Variants in LMBRD2 observed in about 807,000 individuals in gnomAD.
The protein encoded by LMBRD2 is LMBR1 domain containing 2, also known as G protein-coupled receptor-associated protein LMBRD2.
In LMBRD2, 55 loss-of-function variants were observed where a neutral mutation model predicts 94.4. The observed-to-expected ratio is 0.58, with a 90% CI of 0.47 to 0.73. The LOEUF (loss-of-function observed/expected upper bound fraction) is 0.73. Among genes scored for constraint, LMBRD2 ranks in the 30% least tolerant of loss-of-function variants. LMBRD2 has a pLI of 0.00. For synonymous variants in LMBRD2, 246 were observed against 272.4 expected (o/e 0.90, Z 0.95); for missense variants, 640 against 831.9 (o/e 0.77, Z 2.84).
chr5:36,127,370 T>G (rs1305347851), intron 6 of LMBRD2, among the ~76,000 whole-genome samples: 1 of 152,042 alleles, frequency 6.6e-6, no homozygotes, highest in African/African-American at 2.4e-5. Flanking sequence ...GAACACCAAA[T>G]TAAGCAACTA....
At chr5:36,111,057 A>G (rs1743592481) in intron 14 of LMBRD2, 98 bp downstream of exon 14, 1 of 741,608 alleles carries the variant, frequency 1.3e-6, no homozygotes, top group South Asian at 2.0e-5. Context: ...CTTAGAATAG[A>G]TTAAAAAATA....
At chr5:36,143,639 TAAC>T (rs1744470784) in intron 1 of LMBRD2, among the ~76,000 whole-genome samples, 1 of 152,156 alleles carries the variant, frequency 6.6e-6, no homozygotes, top group Non-Finnish European at 1.5e-5. Context: ...TTCAAAAACT[TAAC>T]AAAAATTATT....
At chr5:36,143,082 ATAACT>A in intron 2 of LMBRD2, 89 bp downstream of exon 2, 1 of 874,966 alleles carries the variant, frequency 1.1e-6, no homozygotes, top group Non-Finnish European at 1.7e-6. Context: ...CAAAACTGAC[ATAACT>A]TAGCTGTCTT....
Position 36,111,039 on chromosome 5 carries a change from C to T in LMBRD2, c.1744+116G>A. 6.2e-6 allele frequency: 4 copies of T among 641,978 alleles called. No individual in the cohort carries two copies. In the South Asian group the frequency reaches 9.3e-5, roughly 15 times the overall value. 39.8% of individuals were successfully genotyped at this position (641,978 alleles called of 1,614,324 possible). On this transcript the variant is annotated intron_variant, in intron 14 of 17. Transcript: ENST00000296603. ...TTTTAGCTAAAAATGTGCATTAATTCATAATTTCTTAGAATAGATTAAAAA... is the reference window on the plus strand; with the variant it reads ...TTTTAGCTAAAAATGTGCATTAATTTATAATTTCTTAGAATAGATTAAAAA...
Position 36,116,467 on chromosome 5 carries a change from T to C in LMBRD2, c.1429A>G (p.Ser477Gly). 1.2e-6 allele frequency: 2 copies of C among 1,612,700 alleles called. No individual in the cohort carries two copies. The highest frequency in any genetic ancestry group is 8.5e-7 in the Non-Finnish European group (1 of 1,179,220). Residue 477 changes from serine to glycine, a missense_variant, in exon 11 of 18, where the codon AGT (serine) becomes GGT (glycine). Physicochemically the swap from Ser to Gly is moderately conservative, Grantham distance 56. This residue lies in a region of LMBRD2 where 457 missense variants were observed against 642.8 expected (regional missense o/e 0.71). Transcript: ENST00000296603. ...HQTDAYSLLF[S>G]GMLFCRLTPP... is the part of the protein sequence containing the mutation. Reference sequence around the variant, plus strand: ...AAACATAATCCTACTTACATGCCACTGAAAAGAAGGCTATAAGCATCAGTC... The same window carrying C: ...AAACATAATCCTACTTACATGCCACCGAAAAGAAGGCTATAAGCATCAGTC...
At chr5:36,130,972 C>T (rs149105119) in intron 6 of LMBRD2, among the ~76,000 whole-genome samples, 65 of 152,232 alleles carry the variant, frequency 4.3e-4, no homozygotes, top group African/African-American at 1.5e-3. Context: ...AGGGATACTT[C>T]CAAACTCAAT....
In LMBRD2 at chr5:36,143,377, A is replaced by G; in HGVS notation, c.-28T>C. On this transcript the variant is annotated 5_prime_UTR_variant, in exon 2 of 18. Coordinates refer to ENST00000296603, the MANE Select transcript of LMBRD2 (RefSeq NM_001007527.2). ...TTGAATATTTCACTCTGACTAACCA[A>G]AGTTATTCATGTACAGGTCTGGACC... 1 of 1,580,700 alleles carries G rather than the reference A, an allele frequency of 6.3e-7. No individual in the cohort carries two copies. Among genetic ancestry groups the G allele is most frequent in the African/African-American group, 1.3e-5 (1 of 74,112 alleles).
At position 36,116,359 on chromosome 5, in the gene LMBRD2, T is replaced by G. The variant is rs143787253; in HGVS notation, c.1436+101A>C. 5.9e-6 allele frequency: 6 copies of G among 1,012,000 alleles called. No individual in the cohort carries two copies. The East Asian group carries it at 1.5e-4, about 25-fold the overall frequency. 62.7% of individuals were successfully genotyped at this position (1,012,000 alleles called of 1,614,324 possible). ...ACTAATCAATTAGCTGATAGAAATA[T>G]AGATGTTAGTGGAACACCTGTAAAC... is the stretch of plus-strand genomic sequence containing the variant. On this transcript the variant is annotated intron_variant, in intron 11 of 17. Coordinates refer to ENST00000296603, the MANE Select transcript of LMBRD2 (RefSeq NM_001007527.2).
At chr5:36,150,379 C>G (rs995315749) in intron 1 of LMBRD2, among the ~76,000 whole-genome samples, 1 of 152,146 alleles carries the variant, frequency 6.6e-6, no homozygotes, top group African/African-American at 2.4e-5. Flanking sequence ...GTGGGCTCTC[C>G]CAATTATTTT....
In LMBRD2 at chr5:36,101,184, T is replaced by G. The variant is rs1409318899; in HGVS notation, c.*2862A>C. 4 of 152,036 alleles carry G rather than the reference T, an allele frequency of 2.6e-5. No individual in the cohort carries two copies. Among genetic ancestry groups the G allele is most frequent in the African/African-American group, 4.8e-5 (2 of 41,452 alleles). 9.4% of individuals were successfully genotyped at this position (152,036 alleles called of 1,614,324 possible). ...ATTCATTTGGTAAGAGAGCAAATTT[T>G]AATAATTAAACTTATTCTTTCTTTT... is the stretch of plus-strand genomic sequence containing the variant. On this transcript the variant is annotated 3_prime_UTR_variant, in exon 18 of 18. Transcript: ENST00000296603.
At chr5:36,132,653 T>G (rs1488231553) in intron 6 of LMBRD2, among the ~76,000 whole-genome samples, 1 of 107,332 alleles carries the variant, frequency 9.3e-6, no homozygotes, top group African/African-American at 3.5e-5. Context: ...GGGCAAAAGA[T>G]TTGAATTTCT....
intron 6 of LMBRD2, among the ~76,000 whole-genome samples, chr5:36,127,711 G>T (rs1270737462): frequency 1.3e-5 from 2 of 152,174 alleles, no homozygotes; most frequent in African/African-American, 4.8e-5. Context: ...AGTGTGAGAA[G>T]GACTTTGTCT....
intron 12 of LMBRD2, 71 bp downstream of exon 12, chr5:36,114,944 A>C (rs1743703740): frequency 3.9e-6 from 4 of 1,022,414 alleles, no homozygotes; most frequent in Non-Finnish European, 4.4e-6. Flanking sequence ...TGGCATTAAA[A>C]GAAATTTCAC....
In LMBRD2 at chr5:36,117,868, G is replaced by C; in HGVS notation, c.1169C>G (p.Ala390Gly). The part of the protein sequence containing the change: ...LLRPWFYKIL[A>G]VVLSIFSVIV... ...CACAGAGAAGATGGACAGAACCACA[G>C]CAAGTATCTTGTAAAACCATGGTCG... is the stretch of plus-strand genomic sequence containing the variant. Residue 390 changes from alanine (A) to glycine (G), a missense_variant, in exon 10 of 18, where the codon GCT becomes GGT. By Grantham distance (60) the Ala-to-Gly change is moderately conservative. Transcript: ENST00000296603. 1.2e-6 allele frequency: 2 copies of C among 1,613,510 alleles called. No homozygotes were observed. Among genetic ancestry groups the C allele is most frequent in the Non-Finnish European group, 1.7e-6 (2 of 1,179,774 alleles).
At chr5:36,110,044 T>C in intron 14 of LMBRD2, 53 bp from the exon 15 acceptor site, 1 of 1,328,916 alleles carries the variant, frequency 7.5e-7, no homozygotes, top group Non-Finnish European at 1.1e-6. Flanking sequence ...TAATCAGACA[T>C]AGTGCAACTG....
chr5:36,147,518 C>G (rs1386973015), intron 1 of LMBRD2, among the ~76,000 whole-genome samples: 1 of 152,166 alleles, frequency 6.6e-6, no homozygotes, highest in Non-Finnish European at 1.5e-5. Context: ...GATGTGTGGG[C>G]ATATCGTACC....
At chr5:36,127,205 T>A (rs1462261488) in intron 6 of LMBRD2, among the ~76,000 whole-genome samples, 1 of 152,242 alleles carries the variant, frequency 6.6e-6, no homozygotes, top group Non-Finnish European at 1.5e-5. Flanking sequence ...TTTTAAATGA[T>A]AAATACATTT....
chr5:36,127,939 C>T (rs1744044132), intron 6 of LMBRD2, among the ~76,000 whole-genome samples: 1 of 152,128 alleles, frequency 6.6e-6, no homozygotes, highest in Admixed American at 6.5e-5. Flanking sequence ...TTACCGTGGG[C>T]CTTGGGCGAG....
intron 15 of LMBRD2, among the ~76,000 whole-genome samples, chr5:36,109,565 TAAG>T (rs1442601135): frequency 6.6e-6 from 1 of 151,908 alleles, no homozygotes; most frequent in East Asian, 1.9e-4. Context: ...AAAGAAAAAT[TAAG>T]GAGGAATAAA....
Sources: gnomAD v4.1 joint callset for allele counts (sites outside exome capture counted in the v4.1 genomes callset) on GRCh38, gnomAD v4.1.1 for gene constraint, gnomAD v4.1.1 regional missense constraint, MANE v1.5 for transcripts, NCBI Gene and HGNC (gene_info 2026-07-23, HGNC 2026-07-21) for gene names.